Variants in CSMD2 observed in about 807,000 individuals in gnomAD.
The protein encoded by CSMD2 is CUB and Sushi multiple domains 2.
Under a neutral mutation model 398.5 loss-of-function variants are expected in CSMD2, and 130 were observed. The ratio of observed to expected loss-of-function variants is 0.33; its 90% confidence interval spans 0.28 to 0.38. The LOEUF (loss-of-function observed/expected upper bound fraction) is 0.38. Ranked by LOEUF, CSMD2 falls within the 10% of genes least tolerant of loss-of-function variation. The pLI is 1.00. For missense variants in CSMD2, 3,829 were observed against 4,764.9 expected (o/e 0.80, Z 5.78); for synonymous variants, 1,828 against 1,908.5 (o/e 0.96, Z 1.10).
At chr1:33,984,863 GC>G (rs60735302) in intron 3 of CSMD2, among the ~76,000 whole-genome samples, 11,569 of 117,932 alleles carry the variant, frequency 0.098, 1,395 homozygotes, top group African/African-American at 0.33. Flanking sequence ...AGGAAGGAAG[GC>G]AGGCAGGCAG....
chr1:33,635,907 C>CT lies in CSMD2; in HGVS notation c.4969+452dup, dbSNP rs1350662210. Among the ~76,000 whole-genome samples the CT allele has an allele frequency of 6.6e-6, 1 of 152,140 alleles. No individual in the cohort carries two copies. The highest frequency in any genetic ancestry group is 1.5e-5 in the Non-Finnish European group (1 of 68,016). ...GGGTGGTCACCAAGCTCTTAAAGCC[C>CT]TGATACTCATTCCTATCTCTCTTGT... On this transcript the variant is annotated intron_variant, in intron 30 of 70. Coordinates refer to ENST00000373381, the MANE Select transcript of CSMD2 (RefSeq NM_001281956.2). The surrounding 1 kb of genome is among the most constrained non-coding windows in gnomAD (Gnocchi z 5.0).
intron 3 of CSMD2, among the ~76,000 whole-genome samples, chr1:33,980,951 G>A (rs1161118473): frequency 6.6e-6 from 1 of 152,168 alleles, no homozygotes; most frequent in African/African-American, 2.4e-5. Context: ...CCTATCTGAA[G>A]AACTGAGAGA....
chr1:33,787,954 C>A (rs1232308959), intron 12 of CSMD2, among the ~76,000 whole-genome samples: 1 of 152,126 alleles, frequency 6.6e-6, no homozygotes, highest in African/African-American at 2.4e-5. Context: ...TCACATGCAA[C>A]CCAATAGGGT....
At chr1:33,831,026 T>C (rs1440137367) in intron 6 of CSMD2, among the ~76,000 whole-genome samples, 5 of 152,164 alleles carry the variant, frequency 3.3e-5, no homozygotes, top group African/African-American at 4.8e-5. Context: ...AGACCAAATC[T>C]ACGTCTGATT....
chr1:34,152,991 T>A (rs1418404946), intron 1 of CSMD2, among the ~76,000 whole-genome samples: 2 of 152,210 alleles, frequency 1.3e-5, no homozygotes, highest in Non-Finnish European at 2.9e-5. Context: ...TAGGTATTTA[T>A]TTGCCCTTTT....
intron 2 of CSMD2, among the ~76,000 whole-genome samples, chr1:34,061,739 C>T (rs1386679147): frequency 1.3e-5 from 2 of 152,168 alleles, no homozygotes; most frequent in Non-Finnish European, 2.9e-5. Flanking sequence ...TATTATTACT[C>T]AGATGAGTGA....
At chr1:33,787,175 G>A (rs1305809123) in intron 12 of CSMD2, among the ~76,000 whole-genome samples, 1 of 152,206 alleles carries the variant, frequency 6.6e-6, no homozygotes, top group African/African-American at 2.4e-5. Context: ...GGAGAAGCAG[G>A]GGAGGATTCT....
rs190963370 is a variant in CSMD2 at position 33,660,770 on chromosome 1, A to T, written c.4255+2120T>A. Among the ~76,000 whole-genome samples the T allele has an allele frequency of 5.3e-5, 8 of 152,366 alleles. No homozygotes were observed. In the East Asian group the frequency reaches 1.2e-3, roughly 22 times the overall value. On this transcript the variant is annotated intron_variant, in intron 26 of 70. Coordinates refer to ENST00000373381, the MANE Select transcript of CSMD2 (RefSeq NM_001281956.2). ...GAGAAAACCATCCATTCATGTGTTC[A>T]TATCTTCATGTGCCCATTTGCTCAC... is the stretch of plus-strand genomic sequence containing the variant.
intron 13 of CSMD2, among the ~76,000 whole-genome samples, chr1:33,752,670 T>G (rs1648420405): frequency 6.6e-6 from 1 of 152,064 alleles, no homozygotes; most frequent in Non-Finnish European, 1.5e-5. Flanking sequence ...GTAACAGGGA[T>G]AGGTTGGAAG....
intron 9 of CSMD2, among the ~76,000 whole-genome samples, chr1:33,815,998 C>T (rs908767178): frequency 6.6e-6 from 1 of 152,128 alleles, no homozygotes; most frequent in African/African-American, 2.4e-5. Context: ...ACCAAGAAGA[C>T]AGCCACCTGT....
At position 34,039,016 on chromosome 1, in the gene CSMD2, ACT is replaced by A. The variant is rs67756820; in HGVS notation, c.405-6312_405-6311del. Among the ~76,000 whole-genome samples the A allele has an allele frequency of 3.9e-3, 596 of 151,882 alleles. 2 individuals are homozygous for A. Among genetic ancestry groups the A allele is most frequent in the Admixed American group, 6.9e-3 (105 of 15,248 alleles). On this transcript the variant is annotated intron_variant, in intron 2 of 70. Coordinates refer to ENST00000373381, the MANE Select transcript of CSMD2 (RefSeq NM_001281956.2). ...CTAACCCTTGGGATTTGTCTAATTA[ACT>A]CTTTCTCATCATTCAAATCTTATCA... is the stretch of plus-strand genomic sequence containing the variant.
At chr1:33,560,458 G>A (rs2148660897) in intron 53 of CSMD2, among the ~76,000 whole-genome samples, 1 of 152,266 alleles carries the variant, frequency 6.6e-6, no homozygotes, top group South Asian at 2.1e-4. Flanking sequence ...CACTCTATTT[G>A]GCTGCACTGG....
chr1:33,856,437 T>C (rs926137714), intron 5 of CSMD2, among the ~76,000 whole-genome samples: 1 of 152,162 alleles, frequency 6.6e-6, no homozygotes, highest in Non-Finnish European at 1.5e-5. Flanking sequence ...ACTTTCCACC[T>C]GTCACTGGCA....
intron 2 of CSMD2, among the ~76,000 whole-genome samples, chr1:34,087,643 A>AT (rs1437352799): frequency 1.0e-4 from 15 of 148,796 alleles, no homozygotes; most frequent in African/African-American, 3.7e-4. Flanking sequence ...AATAATAATA[A>AT]TAATAATAAT....
At chr1:33,631,415 C>G (rs1254011951) in intron 32 of CSMD2, among the ~76,000 whole-genome samples, 3 of 152,102 alleles carry the variant, frequency 2.0e-5, no homozygotes, top group Non-Finnish European at 4.4e-5. Flanking sequence ...AATAATGAGA[C>G]AAATTTATTT....
intron 17 of CSMD2, among the ~76,000 whole-genome samples, 177 bp downstream of exon 17, chr1:33,725,172 T>C (rs1461140737): frequency 6.6e-6 from 1 of 152,144 alleles, no homozygotes; most frequent in Non-Finnish European, 1.5e-5. Context: ...TCCCATGACC[T>C]GAGGGATGCT....
chr1:34,016,011 C>CTG (rs1167270196), intron 3 of CSMD2, among the ~76,000 whole-genome samples: 2 of 108,658 alleles, frequency 1.8e-5, no homozygotes, highest in African/African-American at 3.6e-5. Context: ...GGACTCCTTG[C>CTG]TCTGTGTGTG....
intron 15 of CSMD2, 70 bp from the exon 16 acceptor site, chr1:33,726,755 T>C: frequency 6.8e-7 from 1 of 1,474,976 alleles, no homozygotes; most frequent in Non-Finnish European, 9.1e-7. Flanking sequence ...AAAATCTCTC[T>C]ATAAAATGTG....
At chr1:33,652,145 C>T (rs1571094859) in intron 28 of CSMD2, among the ~76,000 whole-genome samples, 178 bp downstream of exon 28, 1 of 152,178 alleles carries the variant, frequency 6.6e-6, no homozygotes, top group Non-Finnish European at 1.5e-5. Flanking sequence ...GACCACTGAG[C>T]ACAGTGCTTG....
Sources: allele counts gnomAD v4.1 joint callset (sites outside exome capture counted in the v4.1 genomes callset), GRCh38; gene constraint gnomAD v4.1.1; non-coding constraint Gnocchi (gnomAD v3.1); transcripts MANE v1.5; gene names NCBI Gene and HGNC (gene_info 2026-07-23, HGNC 2026-07-21).